Variants in STXBP5L observed in about 807,000 individuals in gnomAD.
The protein encoded by STXBP5L is syntaxin binding protein 5L.
STXBP5L carries 65 observed loss-of-function variants against 144.5 expected under a neutral mutation model. The observed-to-expected ratio is 0.45, with a 90% CI of 0.37 to 0.55. The LOEUF is 0.55. Among genes scored for constraint, STXBP5L ranks in the 20% least tolerant of loss-of-function variants. STXBP5L has a pLI of 0.00. For missense variants in STXBP5L, 1,298 were observed against 1,405.5 expected (o/e 0.92, Z 1.22); for synonymous variants, 505 against 469.6 (o/e 1.08, Z -0.97).
chr3:121,297,629 C>CA (rs2051711625), intron 19 of STXBP5L, among the ~76,000 whole-genome samples: 6 of 152,120 alleles, frequency 3.9e-5, no homozygotes. Flanking sequence ...TGGCTCATGC[C>CA]TGTAGTCTCA....
intron 22 of STXBP5L, among the ~76,000 whole-genome samples, chr3:121,393,482 T>C (rs1288305270): frequency 6.6e-6 from 1 of 152,216 alleles, no homozygotes; most frequent in Non-Finnish European, 1.5e-5. Context: ...GCTTTTGAGG[T>C]CTTAGTCACG....
intron 18 of STXBP5L, among the ~76,000 whole-genome samples, chr3:121,273,538 G>T (rs987001691): frequency 6.6e-5 from 10 of 152,002 alleles, no homozygotes; most frequent in African/African-American, 1.9e-4. Context: ...ATCTGGATAT[G>T]TATATTTCTC....
At chr3:121,121,752 GA>G (rs776366305) in intron 7 of STXBP5L, 48 bp downstream of exon 7, 2 of 1,377,962 alleles carry the variant, frequency 1.5e-6, no homozygotes, top group East Asian at 2.3e-5. Context: ...CCTCATTCTT[GA>G]AAAAAGGTGT....
chr3:120,992,124 T>C (rs770352363), intron 3 of STXBP5L, among the ~76,000 whole-genome samples: 1 of 152,172 alleles, frequency 6.6e-6, no homozygotes, highest in Non-Finnish European at 1.5e-5. Flanking sequence ...TATGTCAATC[T>C]GCTTTTTTCT....
chr3:121,287,844 C>G (rs1029246160), intron 19 of STXBP5L, among the ~76,000 whole-genome samples: 1 of 151,988 alleles, frequency 6.6e-6, no homozygotes, highest in Non-Finnish European at 1.5e-5. Context: ...AAAAGAAAGA[C>G]CCACACATGG....
chr3:120,961,634 T>C (rs1362143088), intron 3 of STXBP5L, among the ~76,000 whole-genome samples: 7 of 152,216 alleles, frequency 4.6e-5, no homozygotes, highest in Non-Finnish European at 1.0e-4. Flanking sequence ...TAGTATTCCA[T>C]GGTGTATATG....
At chr3:121,072,842 C>T (rs1275521641) in intron 5 of STXBP5L, among the ~76,000 whole-genome samples, 2 of 152,096 alleles carry the variant, frequency 1.3e-5, no homozygotes, top group Non-Finnish European at 1.5e-5. Flanking sequence ...TTTTTGATTT[C>T]CTTTCCTTCA....
chr3:121,251,931 A>G (rs544326007), intron 15 of STXBP5L, among the ~76,000 whole-genome samples: 7 of 152,218 alleles, frequency 4.6e-5, no homozygotes, highest in Non-Finnish European at 8.8e-5. Context: ...CTGCCTAAAG[A>G]GAAACTCCAA....
intron 9 of STXBP5L, among the ~76,000 whole-genome samples, chr3:121,204,247 A>G (rs1421642638): frequency 6.6e-6 from 1 of 152,168 alleles, no homozygotes. Context: ...TCAAAAAAAA[A>G]GACTATTGTT....
At chr3:120,911,089 T>G (rs1708811753) in intron 2 of STXBP5L, among the ~76,000 whole-genome samples, 2 of 152,134 alleles carry the variant, frequency 1.3e-5, no homozygotes, top group East Asian at 1.9e-4. Flanking sequence ...ATTCTGAAAA[T>G]TTTTTCCAAA....
chr3:121,119,005 G>T (rs1355733277), intron 6 of STXBP5L, among the ~76,000 whole-genome samples: 1 of 151,396 alleles, frequency 6.6e-6, no homozygotes, highest in East Asian at 1.9e-4. Context: ...GAATTTACTG[G>T]GTTGTTAAAA....
chr3:121,043,288 T>C (rs1038672108), intron 4 of STXBP5L, among the ~76,000 whole-genome samples: 5 of 152,166 alleles, frequency 3.3e-5, no homozygotes, highest in African/African-American at 9.7e-5. Context: ...TCACTTTGTT[T>C]TTATAAATGA....
chr3:120,986,873 C>A (rs190863863), intron 3 of STXBP5L, among the ~76,000 whole-genome samples: 1 of 151,562 alleles, frequency 6.6e-6, no homozygotes, highest in Non-Finnish European at 1.5e-5. Context: ...TTGAAGATAG[C>A]GCAATGAAAA....
At chr3:121,371,984 G>A (rs184808768) in intron 20 of STXBP5L, among the ~76,000 whole-genome samples, 21 of 152,330 alleles carry the variant, frequency 1.4e-4, no homozygotes, top group Non-Finnish European at 2.6e-4. Context: ...GGAAGGGAAG[G>A]CTATGTCTAC....
At chr3:120,959,641 A>C (rs1193663648) in intron 3 of STXBP5L, among the ~76,000 whole-genome samples, 1 of 152,240 alleles carries the variant, frequency 6.6e-6, no homozygotes. Flanking sequence ...GACAAAAACA[A>C]GAAAGGGGGA....
At chr3:121,054,538 A>G (rs749839107) in intron 5 of STXBP5L, among the ~76,000 whole-genome samples, 3 of 140,634 alleles carry the variant, frequency 2.1e-5, no homozygotes, top group Non-Finnish European at 3.0e-5. Flanking sequence ...GAATTGAACA[A>G]TGAGAACACA....
chr3:121,235,425 G>A (rs1258078058), intron 12 of STXBP5L, among the ~76,000 whole-genome samples: 1 of 151,824 alleles, frequency 6.6e-6, no homozygotes, highest in Non-Finnish European at 1.5e-5. Flanking sequence ...CCTCTAGTAA[G>A]TTTTTAGTTA....
intron 20 of STXBP5L, among the ~76,000 whole-genome samples, chr3:121,354,199 G>C (rs2045414177): frequency 6.6e-6 from 1 of 152,124 alleles, no homozygotes; most frequent in Non-Finnish European, 1.5e-5. Context: ...TATTAGGTCT[G>C]TTTGTTGCAG....
chr3:121,092,685 G>C (rs1289301767), intron 5 of STXBP5L, among the ~76,000 whole-genome samples: 1 of 152,162 alleles, frequency 6.6e-6, no homozygotes, highest in East Asian at 1.9e-4. Context: ...AGACAGTGGG[G>C]TTTTCTAGAT....
Sources: allele counts gnomAD v4.1 joint callset (sites outside exome capture counted in the v4.1 genomes callset), GRCh38; gene constraint gnomAD v4.1.1; transcripts MANE v1.5; gene names NCBI Gene and HGNC (gene_info 2026-07-23, HGNC 2026-07-21).